Variants in TXNDC16 observed in about 807,000 individuals in gnomAD.
TXNDC16 encodes thioredoxin domain containing 16.
In TXNDC16, 74 loss-of-function variants were observed where a neutral mutation model predicts 85.6. That is an observed-to-expected ratio of 0.86 (90% confidence interval 0.72 to 1.05). TXNDC16 has a LOEUF of 1.05. TXNDC16 is among the 50% of genes least tolerant of loss of function. The pLI is 0.00. For missense variants in TXNDC16, 959 were observed against 947.0 expected (o/e 1.01, Z -0.17); for synonymous variants, 335 against 326.5 (o/e 1.03, Z -0.28).
At chr14:52,479,847 A>G (rs955738092) in intron 14 of TXNDC16, among the ~76,000 whole-genome samples, 1 of 152,178 alleles carries the variant, frequency 6.6e-6, no homozygotes, top group Non-Finnish European at 1.5e-5. Flanking sequence ...GAACCAAAAA[A>G]GAGCCCACAT....
chr14:52,531,853 C>T (rs957881067), intron 6 of TXNDC16, among the ~76,000 whole-genome samples: 103 of 152,160 alleles, frequency 6.8e-4, no homozygotes, highest in Non-Finnish European at 3.5e-4. Flanking sequence ...AACTGTACCA[C>T]ACTAATGCAA....
At chr14:52,463,614 T>C (rs2035704152) in intron 16 of TXNDC16, among the ~76,000 whole-genome samples, 1 of 152,180 alleles carries the variant, frequency 6.6e-6, no homozygotes, top group African/African-American at 2.4e-5. Context: ...TTGAACAGGA[T>C]TTGAACAGTT....
chr14:52,432,774 C>T (rs536259394), intron 20 of TXNDC16, among the ~76,000 whole-genome samples, 187 bp from the exon 21 acceptor site: 4 of 152,106 alleles, frequency 2.6e-5, no homozygotes, highest in Non-Finnish European at 5.9e-5. Context: ...ACATTTGTCA[C>T]TACTAGCCAT....
At chr14:52,540,187 G>A (rs773908361) in intron 4 of TXNDC16, among the ~76,000 whole-genome samples, 76 of 152,260 alleles carry the variant, frequency 5.0e-4, no homozygotes, top group Non-Finnish European at 8.7e-4. Flanking sequence ...ACTAGAATAC[G>A]TAGCCCATTT....
At position 52,432,232 on chromosome 14, in the gene TXNDC16, A is replaced by T; in HGVS notation, c.*72T>A. 2 of 1,350,938 alleles carry T rather than the reference A, an allele frequency of 1.5e-6. No homozygotes were observed. Among genetic ancestry groups the T allele is most frequent in the Non-Finnish European group, 2.0e-6 (2 of 999,752 alleles). The allele number at this position is 1,350,938 out of a possible 1,614,324, so 83.7% of individuals were successfully genotyped here. ...CTAGTCTGCAAACTTGAAATGATTT[A>T]ATATTATTCTTTAAGGAAATAAATT... On this transcript the variant is annotated 3_prime_UTR_variant, in exon 21 of 21. Transcript: ENST00000281741.
At chr14:52,540,505 G>C (rs2037805486) in intron 4 of TXNDC16, among the ~76,000 whole-genome samples, 1 of 151,954 alleles carries the variant, frequency 6.6e-6, no homozygotes, top group Non-Finnish European at 1.5e-5. Flanking sequence ...TGCGCCTGTA[G>C]TCCCAGCTAC....
chr14:52,493,717 A>C (rs2036467608), intron 9 of TXNDC16, among the ~76,000 whole-genome samples: 1 of 152,128 alleles, frequency 6.6e-6, no homozygotes. Flanking sequence ...CCACTGAATA[A>C]CCAATAGAGT....
chr14:52,542,503 G>T, intron 3 of TXNDC16, 50 bp from the exon 4 acceptor site: 1 of 1,378,066 alleles, frequency 7.3e-7, no homozygotes, highest in Non-Finnish European at 1.0e-6. Flanking sequence ...CCTTAAAAAT[G>T]AATTTTAAAA....
At position 52,499,944 on chromosome 14, in the gene TXNDC16, T is replaced by C. The variant is rs182549709; in HGVS notation, c.757-8939A>G. On this transcript the variant is annotated intron_variant, in intron 9 of 20. Coordinates refer to ENST00000281741, the MANE Select transcript of TXNDC16 (RefSeq NM_020784.3). ...GTTGTTATACCATAATTTAATTTTGTATTATTTTTATTGTTATATTTTTAT... is the reference window on the plus strand; with the variant it reads ...GTTGTTATACCATAATTTAATTTTGCATTATTTTTATTGTTATATTTTTAT... Among the ~76,000 whole-genome samples the C allele has an allele frequency of 3.0e-3, 451 of 152,314 alleles. 1 individual carries two copies. Among genetic ancestry groups the C allele is most frequent in the Middle Eastern group, 3.4e-3 (1 of 294 alleles).
chr14:52,440,368 T>C (rs2140101723), intron 19 of TXNDC16, among the ~76,000 whole-genome samples, 196 bp downstream of exon 19: 1 of 152,254 alleles, frequency 6.6e-6, no homozygotes, highest in African/African-American at 2.4e-5. Context: ...AAAATTTTAC[T>C]GTAGAATAAA....
chr14:52,530,145 T>G (rs1428027723), intron 6 of TXNDC16, among the ~76,000 whole-genome samples: 3 of 74,646 alleles, frequency 4.0e-5, no homozygotes, highest in African/African-American at 1.9e-4. Context: ...TTTACATATA[T>G]TTTATATATA....
In TXNDC16 at chr14:52,513,539, A is replaced by G. The variant is rs187757369; in HGVS notation, c.605+1341T>C. On this transcript the variant is annotated intron_variant, in intron 8 of 20. Transcript: ENST00000281741. Reference sequence around the variant, plus strand: ...TATTCAAAAGCAAACGAAAAACAGGATAAGAAGATAACTGTGCATTTTTAA... The same window carrying G: ...TATTCAAAAGCAAACGAAAAACAGGGTAAGAAGATAACTGTGCATTTTTAA... Among the ~76,000 whole-genome samples, 17 of 152,216 alleles carry G rather than the reference A, an allele frequency of 1.1e-4. No homozygotes were observed. In the East Asian group the frequency reaches 2.9e-3, roughly 26 times the overall value.
At chr14:52,534,651 C>T (rs2037658740) in intron 6 of TXNDC16, among the ~76,000 whole-genome samples, 1 of 152,158 alleles carries the variant, frequency 6.6e-6, no homozygotes, top group Non-Finnish European at 1.5e-5. Flanking sequence ...CACCCTCATT[C>T]TAGACATGAA....
intron 9 of TXNDC16, among the ~76,000 whole-genome samples, chr14:52,499,575 G>C (rs1332159042): frequency 6.6e-6 from 1 of 150,516 alleles, no homozygotes; most frequent in Non-Finnish European, 1.5e-5. Context: ...ACCACCATGA[G>C]GTATCATCTC....
chr14:52,471,293 T>G (rs531583173), intron 14 of TXNDC16, among the ~76,000 whole-genome samples: 1 of 152,306 alleles, frequency 6.6e-6, no homozygotes, highest in East Asian at 1.9e-4. Context: ...TTACTGTCCA[T>G]TTCTCTTTAC....
At chr14:52,480,975 G>GTGTATGTATATATATATATATA (rs1238227587) in intron 14 of TXNDC16, among the ~76,000 whole-genome samples, 1 of 135,002 alleles carries the variant, frequency 7.4e-6, no homozygotes, top group African/African-American at 2.8e-5. Flanking sequence ...ATATATATAT[G>GTGTATGTATATATATATATATA]TATATATATA....
chr14:52,537,494 C>T, intron 5 of TXNDC16, 105 bp downstream of exon 5: 1 of 803,270 alleles, frequency 1.2e-6, no homozygotes, highest in African/African-American at 1.7e-5. Context: ...TTTACATGAT[C>T]CCCCCTACAT....
At chr14:52,526,318 T>C (rs940035701) in intron 6 of TXNDC16, among the ~76,000 whole-genome samples, 5 of 152,322 alleles carry the variant, frequency 3.3e-5, no homozygotes, top group African/African-American at 9.6e-5. Flanking sequence ...CCAAAAAAGT[T>C]AGAGTCTACT....
intron 17 of TXNDC16, among the ~76,000 whole-genome samples, chr14:52,456,056 C>T (rs542909082): frequency 6.6e-6 from 1 of 152,156 alleles, no homozygotes; most frequent in African/African-American, 2.4e-5. Context: ...CCCACAATCC[C>T]TTTCGCTAAC....
Sources: allele counts gnomAD v4.1 joint callset (sites outside exome capture counted in the v4.1 genomes callset), GRCh38; gene constraint gnomAD v4.1.1; transcripts MANE v1.5; gene names NCBI Gene and HGNC (gene_info 2026-07-23, HGNC 2026-07-21).